Variants in GABRB3 observed in about 807,000 individuals in gnomAD.
GABRB3 encodes gamma-aminobutyric acid type A receptor subunit beta3, also known as gamma-aminobutyric acid receptor subunit beta-3.
GABRB3 carries 14 observed loss-of-function variants against 52.1 expected under a neutral mutation model. The observed-to-expected ratio is 0.27, with a 90% CI of 0.18 to 0.42. The LOEUF is 0.42. Among genes scored for constraint, GABRB3 ranks in the 10% least tolerant of loss-of-function variants. GABRB3 has a pLI of 1.00. For missense variants in GABRB3, 307 were observed against 609.1 expected (o/e 0.50, Z 5.22); for synonymous variants, 260 against 232.3 (o/e 1.12, Z -1.08).
intron 3 of GABRB3, among the ~76,000 whole-genome samples, chr15:26,744,858 CGTGT>C (rs1476452301): frequency 1.3e-5 from 2 of 152,138 alleles, no homozygotes; most frequent in East Asian, 3.9e-4. Flanking sequence ...TAAGTGTATA[CGTGT>C]GTGTGTTTGT....
At chr15:26,689,983 T>C (rs1888533580) in intron 3 of GABRB3, among the ~76,000 whole-genome samples, 1 of 152,118 alleles carries the variant, frequency 6.6e-6, no homozygotes, top group Admixed American at 6.6e-5. Flanking sequence ...GGGCTTAGAA[T>C]TTCATTTTTA....
intron 4 of GABRB3, among the ~76,000 whole-genome samples, chr15:26,586,863 G>A (rs1891012210): frequency 6.6e-6 from 1 of 152,146 alleles, no homozygotes; most frequent in African/African-American, 2.4e-5. Context: ...TAGAAGTAGA[G>A]AGTAGAATGG....
rs771203717 is a variant in GABRB3 at position 26,742,947 on chromosome 15, T to TTTTTTTTG, written c.240+29454_240+29455insCAAAAAAA. On this transcript the variant is annotated intron_variant, in intron 3 of 8. Coordinates refer to ENST00000311550, the MANE Select transcript of GABRB3 (RefSeq NM_000814.6). The stretch of plus-strand genomic sequence containing the variant: ...TTCTTTTTTTTTTTTTTTTTTTTTT[T>TTTTTTTTG]GAGACAGAGTCTCGCTATGGCGCCC... Among the ~76,000 whole-genome samples the TTTTTTTTG allele has an allele frequency of 8.6e-5, 9 of 104,198 alleles. 1 individual carries two copies. Among genetic ancestry groups the TTTTTTTTG allele is most frequent in the East Asian group, 3.0e-4 (1 of 3,280 alleles). 68.4% of individuals were successfully genotyped at this position (104,198 alleles called of 152,430 possible). A position where few individuals can be genotyped will look rare whatever the true frequency, so the allele number is the denominator to read the frequency against.
At chr15:26,682,050 T>C (rs2140649122) in intron 3 of GABRB3, among the ~76,000 whole-genome samples, 1 of 152,312 alleles carries the variant, frequency 6.6e-6, no homozygotes, top group Non-Finnish European at 1.5e-5. Flanking sequence ...TTCATTTTAT[T>C]TTATTTTTTG....
intron 3 of GABRB3, among the ~76,000 whole-genome samples, chr15:26,707,489 G>A (rs996430493): frequency 6.6e-6 from 1 of 152,164 alleles, no homozygotes; most frequent in African/African-American, 2.4e-5. Context: ...AGAAGTGCAG[G>A]CTTAGGGCAA....
intron 4 of GABRB3, among the ~76,000 whole-genome samples, chr15:26,597,504 T>C (rs1891436391): frequency 6.6e-6 from 1 of 152,152 alleles, no homozygotes; most frequent in Non-Finnish European, 1.5e-5. Flanking sequence ...TTACGAAGAA[T>C]GCAGGCACAT....
chr15:26,708,194 G>C (rs1410468228), intron 3 of GABRB3, among the ~76,000 whole-genome samples: 1 of 152,166 alleles, frequency 6.6e-6, no homozygotes, highest in Non-Finnish European at 1.5e-5. Flanking sequence ...TGTTCTTCTA[G>C]AGTTTGAATC....
chr15:26,701,406 T>C (rs140641505), intron 3 of GABRB3, among the ~76,000 whole-genome samples: 2 of 152,308 alleles, frequency 1.3e-5, no homozygotes, highest in Non-Finnish European at 2.9e-5. Flanking sequence ...CTGTGGGGTA[T>C]CAAGTCAATG....
intron 3 of GABRB3, among the ~76,000 whole-genome samples, chr15:26,631,923 A>C (rs1892922621): frequency 6.6e-6 from 1 of 152,222 alleles, no homozygotes; most frequent in African/African-American, 2.4e-5. Flanking sequence ...ACTTAGTGTT[A>C]GGGATCCAGA....
At chr15:26,750,758 T>C (rs1009200701) in intron 3 of GABRB3, among the ~76,000 whole-genome samples, 2 of 152,168 alleles carry the variant, frequency 1.3e-5, no homozygotes, top group Admixed American at 6.5e-5. Flanking sequence ...CTGCCAGAGA[T>C]ATGAAAGCCT....
intron 3 of GABRB3, among the ~76,000 whole-genome samples, chr15:26,737,954 C>T (rs1478909587): frequency 6.6e-6 from 1 of 152,184 alleles, no homozygotes; most frequent in African/African-American, 2.4e-5. Context: ...CAATGGGGCA[C>T]GAGTCCTTGT....
intron 3 of GABRB3, among the ~76,000 whole-genome samples, chr15:26,664,697 TTTC>T (rs1887650507): frequency 7.3e-6 from 1 of 137,368 alleles, no homozygotes; most frequent in Non-Finnish European, 1.5e-5. Context: ...TTTCTTTTCT[TTTC>T]TTTGTTTTTT....
intron 3 of GABRB3, among the ~76,000 whole-genome samples, chr15:26,742,643 A>G (rs1890239091): frequency 6.6e-6 from 1 of 152,150 alleles, no homozygotes; most frequent in South Asian, 2.1e-4. Context: ...TCTGCTACAG[A>G]ACTGTCTTTT....
chr15:26,623,455 CGA>C (rs149126895), intron 3 of GABRB3, among the ~76,000 whole-genome samples: 8,081 of 152,210 alleles, frequency 0.053, 269 homozygotes, highest in Non-Finnish European at 0.081. Context: ...TGGCTAATTC[CGA>C]GAGACGGCTA....
chr15:26,580,656 G>T, intron 5 of GABRB3, 200 bp from the exon 6 acceptor site: 1 of 729,730 alleles, frequency 1.4e-6, no homozygotes, highest in Non-Finnish European at 2.3e-6. Flanking sequence ...ATTTGTACCA[G>T]GTTGGTACTG....
intron 3 of GABRB3, among the ~76,000 whole-genome samples, chr15:26,655,635 G>A (rs543459108): frequency 6.6e-6 from 1 of 152,166 alleles, no homozygotes; most frequent in East Asian, 1.9e-4. Flanking sequence ...CAGGCTACTC[G>A]GGAGGCTGAG....
chr15:26,748,841 C>T (rs551659441), intron 3 of GABRB3, among the ~76,000 whole-genome samples: 14 of 152,114 alleles, frequency 9.2e-5, no homozygotes, highest in South Asian at 8.3e-4. Flanking sequence ...GCCTTGCCAA[C>T]GTGGTGAAAC....
chr15:26,622,095 C>T (rs897865179), intron 3 of GABRB3, among the ~76,000 whole-genome samples: 2 of 152,074 alleles, frequency 1.3e-5, no homozygotes, highest in African/African-American at 4.8e-5. Flanking sequence ...TTTCCTCCAG[C>T]TTGCCGTGGC....
At chr15:26,752,777 T>C (rs1673402535) in intron 3 of GABRB3, among the ~76,000 whole-genome samples, 1 of 152,106 alleles carries the variant, frequency 6.6e-6, no homozygotes, top group African/African-American at 2.4e-5. Flanking sequence ...TGTCCATTAT[T>C]ATTAACTACA....
Sources: gnomAD v4.1 joint callset for allele counts (sites outside exome capture counted in the v4.1 genomes callset) on GRCh38, gnomAD v4.1.1 for gene constraint, MANE v1.5 for transcripts, NCBI Gene and HGNC (gene_info 2026-07-23, HGNC 2026-07-21) for gene names.